Variants in ADCK1 observed in about 807,000 individuals in gnomAD.
ADCK1 encodes aarF domain-containing protein kinase 1.
ADCK1 carries 41 observed loss-of-function variants against 52.3 expected under a neutral mutation model. The observed-to-expected ratio is 0.78, with a 90% confidence interval of 0.61 to 1.02. The LOEUF is 1.02. Among genes scored for constraint, ADCK1 ranks in the 50% least tolerant of loss-of-function variants. The pLI, the probability that ADCK1 is intolerant of heterozygous loss-of-function variation, is 0.00. For synonymous variants in ADCK1, 250 were observed against 274.6 expected (o/e 0.91, Z 0.89); for missense variants, 658 against 679.5 (o/e 0.97, Z 0.35).
intron 10 of ADCK1, among the ~76,000 whole-genome samples, chr14:77,931,943 T>G (rs1279161941): frequency 6.6e-6 from 1 of 152,236 alleles, no homozygotes; most frequent in Non-Finnish European, 1.5e-5. Context: ...TCTCCACTAA[T>G]TGGTCCTGGG....
intron 3 of ADCK1, among the ~76,000 whole-genome samples, chr14:77,858,056 C>A (rs2082459663): frequency 6.6e-6 from 1 of 152,136 alleles, no homozygotes; most frequent in Admixed American, 6.5e-5. Context: ...CGGTGAGCAT[C>A]CGGATGTTAA....
At chr14:77,908,741 G>A (rs983864806) in intron 7 of ADCK1, among the ~76,000 whole-genome samples, 1 of 152,110 alleles carries the variant, frequency 6.6e-6, no homozygotes, top group African/African-American at 2.4e-5. Context: ...ATGGGGGCTC[G>A]CAGGGGGACC....
At chr14:77,851,083 A>G (rs1016959213) in intron 3 of ADCK1, among the ~76,000 whole-genome samples, 3 of 150,960 alleles carry the variant, frequency 2.0e-5, no homozygotes, top group Admixed American at 6.6e-5. Flanking sequence ...GTGTTTTTAT[A>G]TTTGAAGAGC....
At chr14:77,875,965 C>A (rs1326241342) in intron 4 of ADCK1, among the ~76,000 whole-genome samples, 1 of 152,126 alleles carries the variant, frequency 6.6e-6, no homozygotes, top group African/African-American at 2.4e-5. Context: ...CATGACCCTG[C>A]AAAATATTGC....
At chr14:77,840,864 CAGGG>C (rs2082051483) in intron 3 of ADCK1, among the ~76,000 whole-genome samples, 1 of 117,636 alleles carries the variant, frequency 8.5e-6, no homozygotes, top group South Asian at 3.1e-4. Context: ...AGAAGGGCAG[CAGGG>C]AGGGAGGGAG....
chr14:77,836,218 G>A (rs991918079), intron 3 of ADCK1, among the ~76,000 whole-genome samples: 6 of 152,188 alleles, frequency 3.9e-5, no homozygotes, highest in African/African-American at 1.2e-4. Flanking sequence ...CCAGCAAGAC[G>A]GCCCTTGCCA....
chr14:77,806,019 G>A (rs987375185), intron 1 of ADCK1, among the ~76,000 whole-genome samples: 2 of 128,062 alleles, frequency 1.6e-5, no homozygotes, highest in Non-Finnish European at 3.2e-5. Flanking sequence ...TTAAAGTGAT[G>A]AGGTCTTGTT....
At chr14:77,913,086 A>G (rs903741449) in intron 7 of ADCK1, among the ~76,000 whole-genome samples, 1 of 152,180 alleles carries the variant, frequency 6.6e-6, no homozygotes, top group Admixed American at 6.5e-5. Flanking sequence ...TAGAATCACT[A>G]TAGGGGAAAA....
intron 10 of ADCK1, among the ~76,000 whole-genome samples, 191 bp downstream of exon 10, chr14:77,931,902 A>G (rs1346980565): frequency 2.0e-5 from 3 of 152,160 alleles, no homozygotes; most frequent in African/African-American, 4.8e-5. Context: ...AAGTATCCCA[A>G]GTTTGAAGTC....
At chr14:77,879,088 C>A (rs538715179) in intron 4 of ADCK1, among the ~76,000 whole-genome samples, 6 of 152,304 alleles carry the variant, frequency 3.9e-5, no homozygotes, top group African/African-American at 1.2e-4. Context: ...GCTCCCTCAG[C>A]CACCGTGAAG....
chr14:77,930,770 A>T (rs2084310516), intron 9 of ADCK1, among the ~76,000 whole-genome samples: 1 of 152,220 alleles, frequency 6.6e-6, no homozygotes, highest in African/African-American at 2.4e-5. Flanking sequence ...AATGCTCAAT[A>T]TATGGTGCTT....
At chr14:77,912,109 T>G (rs1018998855) in intron 7 of ADCK1, among the ~76,000 whole-genome samples, 2 of 152,228 alleles carry the variant, frequency 1.3e-5, no homozygotes, top group Non-Finnish European at 2.9e-5. Flanking sequence ...GTCTTTGTCA[T>G]CAATGTGGGG....
intron 1 of ADCK1, among the ~76,000 whole-genome samples, chr14:77,800,374 G>A (rs1594830401): frequency 6.6e-6 from 1 of 152,264 alleles, no homozygotes; most frequent in African/African-American, 2.4e-5. Flanking sequence ...ACGTGGCTCG[G>A]GTGACTCGCA....
chr14:77,865,151 AAACAAAC>A (rs2082636611), intron 4 of ADCK1, among the ~76,000 whole-genome samples: 1 of 3,636 alleles, frequency 2.8e-4, no homozygotes, highest in Non-Finnish European at 7.8e-4. Flanking sequence ...TGAATTAAAA[AAACAAAC>A]AAACAAACTG....
chr14:77,833,563 C>T (rs2081901562), intron 3 of ADCK1, among the ~76,000 whole-genome samples: 1 of 152,158 alleles, frequency 6.6e-6, no homozygotes. Flanking sequence ...GAGTCTAGCA[C>T]CTCCTTTTTA....
At chr14:77,806,947 T>A (rs2081236525) in intron 1 of ADCK1, among the ~76,000 whole-genome samples, 1 of 150,746 alleles carries the variant, frequency 6.6e-6, no homozygotes, top group African/African-American at 2.4e-5. Flanking sequence ...ACTCCTGACC[T>A]CAAATGATCC....
At chr14:77,912,556 C>T (rs540269623) in intron 7 of ADCK1, among the ~76,000 whole-genome samples, 16 of 151,400 alleles carry the variant, frequency 1.1e-4, no homozygotes, top group East Asian at 7.8e-4. Context: ...TGGTACTCAG[C>T]GAGCCAGCCC....
intron 9 of ADCK1, among the ~76,000 whole-genome samples, chr14:77,928,651 G>T (rs951686968): frequency 6.6e-6 from 1 of 152,032 alleles, no homozygotes; most frequent in African/African-American, 2.4e-5. Flanking sequence ...TAGTAGAGAT[G>T]GGGTTTCGCC....
chr14:77,843,807 T>G (rs941440080), intron 3 of ADCK1, among the ~76,000 whole-genome samples: 3 of 152,208 alleles, frequency 2.0e-5, no homozygotes, highest in African/African-American at 7.2e-5. Flanking sequence ...TCGCTTAAAC[T>G]CTGTTCTCTA....
Sources: gnomAD v4.1 joint callset for allele counts (sites outside exome capture counted in the v4.1 genomes callset) on GRCh38, gnomAD v4.1.1 for gene constraint, MANE v1.5 for transcripts, NCBI Gene and HGNC (gene_info 2026-07-23, HGNC 2026-07-21) for gene names.